The following DSCAML1 variants were observed in gnomAD, a reference collection of about 807,000 sequenced individuals.
The protein encoded by DSCAML1 is DS cell adhesion molecule like 1.
A neutral mutation model predicts 200.5 loss-of-function variants in DSCAML1; 38 were observed. The ratio of observed to expected loss-of-function variants is 0.19; its 90% confidence interval spans 0.15 to 0.25. DSCAML1 has a LOEUF of 0.25. Ranked by LOEUF, DSCAML1 falls within the 10% of genes least tolerant of loss-of-function variation. The probability of loss-of-function intolerance (pLI) is 1.00; values close to 1 mark genes in which losing one functional copy is unlikely to be tolerated. For synonymous variants in DSCAML1, 1,215 were observed against 1,165.0 expected (o/e 1.04, Z -0.87); for missense variants, 2,223 against 2,858.8 (o/e 0.78, Z 5.07).
chr11:117,710,614 G>T (rs1285903885), intron 3 of DSCAML1, among the ~76,000 whole-genome samples: 1 of 152,212 alleles, frequency 6.6e-6, no homozygotes, highest in Non-Finnish European at 1.5e-5. Context: ...ACCGCCCCGT[G>T]ACTCAGTTTC....
At chr11:117,445,020 T>C (rs2137101634) in intron 20 of DSCAML1, among the ~76,000 whole-genome samples, 1 of 152,180 alleles carries the variant, frequency 6.6e-6, no homozygotes, top group Non-Finnish European at 1.5e-5. Flanking sequence ...GAGCTAATAA[T>C]TAGTTATCTC....
chr11:117,796,440 GAACAAACTT>G (rs2055577465), intron 1 of DSCAML1, among the ~76,000 whole-genome samples: 1 of 152,214 alleles, frequency 6.6e-6, no homozygotes, highest in Non-Finnish European at 1.5e-5. Flanking sequence ...TGGGTTTGGA[GAACAAACTT>G]GCTATCCGAG....
chr11:117,804,552 G>T (rs566176784), intron 1 of DSCAML1, among the ~76,000 whole-genome samples: 27 of 152,276 alleles, frequency 1.8e-4, no homozygotes, highest in Admixed American at 6.5e-4. Context: ...CCTTCCTTTT[G>T]CCAGGCTACG....
chr11:117,519,935 G>T (rs534483955), intron 6 of DSCAML1, among the ~76,000 whole-genome samples: 5 of 152,378 alleles, frequency 3.3e-5, no homozygotes, highest in African/African-American at 1.2e-4. Flanking sequence ...AGACCCACAG[G>T]CTGTGACGAG....
chr11:117,726,065 C>T (rs940994709), intron 3 of DSCAML1, among the ~76,000 whole-genome samples: 1 of 152,208 alleles, frequency 6.6e-6, no homozygotes, highest in Non-Finnish European at 1.5e-5. Flanking sequence ...GGATCATCCC[C>T]AGAGGGCACC....
chr11:117,572,403 G>A (rs2050862120), intron 3 of DSCAML1, among the ~76,000 whole-genome samples: 1 of 152,190 alleles, frequency 6.6e-6, no homozygotes, highest in Admixed American at 6.5e-5. Context: ...GGAAGTCAGG[G>A]TTCCTGATGT....
chr11:117,451,826 A>AT (rs1555170334), intron 19 of DSCAML1, among the ~76,000 whole-genome samples: 7 of 137,092 alleles, frequency 5.1e-5, no homozygotes, highest in Non-Finnish European at 1.6e-5. Flanking sequence ...AAAAAAAAAA[A>AT]AATAATAAAG....
At chr11:117,715,539 G>A (rs769489721) in intron 3 of DSCAML1, among the ~76,000 whole-genome samples, 44 of 152,222 alleles carry the variant, frequency 2.9e-4, no homozygotes, top group Non-Finnish European at 4.7e-4. Flanking sequence ...ACTAGACAGC[G>A]ATAGCTCTTG....
chr11:117,467,261 A>T (rs1271653407), intron 16 of DSCAML1, among the ~76,000 whole-genome samples: 1 of 135,370 alleles, frequency 7.4e-6, no homozygotes, highest in African/African-American at 2.8e-5. Flanking sequence ...ATCCAGACCC[A>T]TCAAAGCAAA....
intron 3 of DSCAML1, among the ~76,000 whole-genome samples, chr11:117,643,900 GC>G (rs1464252720): frequency 1.3e-5 from 2 of 152,204 alleles, no homozygotes; most frequent in African/African-American, 4.8e-5. Flanking sequence ...AAAAGACCAT[GC>G]CCCATTCTCA....
At chr11:117,515,892 T>C (rs965778614) in intron 8 of DSCAML1, among the ~76,000 whole-genome samples, 1 of 152,088 alleles carries the variant, frequency 6.6e-6, no homozygotes, top group African/African-American at 2.4e-5. Flanking sequence ...GTGCTGGGAT[T>C]ACAACGTGAG....
intron 3 of DSCAML1, among the ~76,000 whole-genome samples, chr11:117,591,716 C>G (rs1248998658): frequency 6.6e-6 from 1 of 152,186 alleles, no homozygotes; most frequent in Non-Finnish European, 1.5e-5. Flanking sequence ...CATCTACGTC[C>G]CTCTTTCCCA....
chr11:117,642,194 G>T lies in DSCAML1; in HGVS notation c.512-109672C>A, dbSNP rs1258567606. ...CTAAAGAGCAGACGGCATGACTTAG[G>T]CTCCTGCGGTATCTGAGTCTCTAGC... On this transcript the variant is annotated intron_variant, in intron 3 of 32. Transcript: ENST00000651296. This position sits in a 1 kb window ranked among gnomAD's most constrained non-coding sequence, Gnocchi z 4.1. Among the ~76,000 whole-genome samples the T allele has an allele frequency of 6.6e-6, 1 of 152,170 alleles. No individual in the cohort carries two copies. The highest frequency in any genetic ancestry group is 6.5e-5 in the Admixed American group (1 of 15,284).
At chr11:117,526,795 C>T (rs1353340223) in intron 4 of DSCAML1, among the ~76,000 whole-genome samples, 1 of 152,074 alleles carries the variant, frequency 6.6e-6, no homozygotes, top group African/African-American at 2.4e-5. Context: ...AGATTACAGG[C>T]ATGAGCCACC....
In DSCAML1 at chr11:117,797,156, C is replaced by T. The variant is rs760789506; in HGVS notation, c.-77G>A. 6 of 1,586,590 alleles carry T rather than the reference C, an allele frequency of 3.8e-6. No homozygotes were observed. In the Admixed American group the frequency reaches 1.1e-4, roughly 28 times the overall value. On this transcript the variant is annotated 5_prime_UTR_variant, in exon 1 of 33. Transcript: ENST00000651296. ...GGCAGCGCCTCTCCCCCGCTCAGCG[C>T]GCTCCCAGCCGCCCGCACTCGGCGC...
chr11:117,513,409 G>A (rs1310955659), intron 8 of DSCAML1, among the ~76,000 whole-genome samples: 1 of 152,154 alleles, frequency 6.6e-6, no homozygotes, highest in Non-Finnish European at 1.5e-5. Context: ...AGATGGCCAC[G>A]GTGAGGTTTC....
intron 3 of DSCAML1, among the ~76,000 whole-genome samples, chr11:117,743,479 C>G (rs562533200): frequency 5.3e-5 from 8 of 152,342 alleles, no homozygotes; most frequent in African/African-American, 1.9e-4. Flanking sequence ...CTCTGTCCCC[C>G]CAAGCTCCAC....
intron 21 of DSCAML1, among the ~76,000 whole-genome samples, chr11:117,440,920 C>CAAA (rs1170541792): frequency 3.6e-4 from 15 of 41,112 alleles, no homozygotes; most frequent in African/African-American, 1.3e-3. Flanking sequence ...GACTCTGTCT[C>CAAA]AAAAAAAAAA....
intron 19 of DSCAML1, 89 bp downstream of exon 19, chr11:117,458,665 C>T (rs1187550043): frequency 5.3e-6 from 8 of 1,512,938 alleles, no homozygotes; most frequent in African/African-American, 1.4e-5. Context: ...AAGGACAGTA[C>T]CCTGCTCTCA....
Sources: allele counts gnomAD v4.1 joint callset (sites outside exome capture counted in the v4.1 genomes callset), GRCh38; gene constraint gnomAD v4.1.1; non-coding constraint Gnocchi (gnomAD v3.1); transcripts MANE v1.5; gene names NCBI Gene and HGNC (gene_info 2026-07-23, HGNC 2026-07-21).